SPATA13: variants seen among roughly 807,000 people sequenced by gnomAD.
SPATA13 encodes the protein spermatogenesis associated 13.
Under a neutral mutation model 104.0 loss-of-function variants are expected in SPATA13, and 50 were observed. The observed-to-expected ratio is 0.48, with a 90% CI of 0.38 to 0.61. SPATA13 has a LOEUF of 0.61. Among genes scored for constraint, SPATA13 ranks in the 20% least tolerant of loss-of-function variants. The pLI is 0.00. For synonymous variants in SPATA13, 606 were observed against 667.5 expected (o/e 0.91, Z 1.42); for missense variants, 1,524 against 1,690.6 (o/e 0.90, Z 1.73).
chr13:24,006,289 A>G (rs762700161), intron 2 of SPATA13, among the ~76,000 whole-genome samples: 9 of 152,196 alleles, frequency 5.9e-5, no homozygotes, highest in Non-Finnish European at 1.2e-4. Flanking sequence ...TGTTCATGAG[A>G]TCAACTAACT....
At chr13:24,163,524 T>A (rs1394357679) in intron 1 of SPATA13, among the ~76,000 whole-genome samples, 1 of 152,248 alleles carries the variant, frequency 6.6e-6, no homozygotes, top group Non-Finnish European at 1.5e-5. Context: ...TGTGTGACTG[T>A]ATGAGTCTTA....
At chr13:24,179,368 G>C (rs1868646450) in intron 1 of SPATA13, among the ~76,000 whole-genome samples, 1 of 152,158 alleles carries the variant, frequency 6.6e-6, no homozygotes, top group Non-Finnish European at 1.5e-5. Flanking sequence ...TTCTCAAGCA[G>C]GCATGCACCA....
intron 2 of SPATA13, among the ~76,000 whole-genome samples, chr13:24,002,445 G>A (rs1330259370): frequency 6.6e-6 from 1 of 152,186 alleles, no homozygotes; most frequent in Non-Finnish European, 1.5e-5. Flanking sequence ...AGGGGACAGA[G>A]TGACACACTC....
At chr13:24,125,743 G>T (rs1446545507) in intron 3 of SPATA13, among the ~76,000 whole-genome samples, 1 of 152,162 alleles carries the variant, frequency 6.6e-6, no homozygotes, top group African/African-American at 2.4e-5. Context: ...GAGGAGGGCA[G>T]CCCAAGGAAA....
chr13:24,207,118 T>C (rs9553220), intron 1 of SPATA13, among the ~76,000 whole-genome samples: 99,123 of 151,244 alleles, frequency 0.66, 32,781 homozygotes, highest in South Asian at 0.83. Flanking sequence ...AAAGCAGGAA[T>C]AGAAAACCAA....
intron 11 of SPATA13, among the ~76,000 whole-genome samples, chr13:24,299,793 A>G (rs1877055101): frequency 1.3e-5 from 2 of 152,136 alleles, no homozygotes; most frequent in Non-Finnish European, 2.9e-5. Context: ...CTCCTTCCCC[A>G]CACCCTGCGA....
At chr13:24,231,478 A>G (rs1237887960) in intron 2 of SPATA13, among the ~76,000 whole-genome samples, 1 of 152,184 alleles carries the variant, frequency 6.6e-6, no homozygotes, top group Non-Finnish European at 1.5e-5. Flanking sequence ...ATGGCTATCT[A>G]TACCGCACTT....
In SPATA13 at chr13:23,984,261, C is replaced by T. The variant is rs1384214603; in HGVS notation, c.-147+328C>T. On this transcript the variant is annotated intron_variant, in intron 2 of 14. Coordinates refer to the SPATA13 transcript ENST00000424834. Reference sequence around the variant, plus strand: ...TCAAGTCAGCTAAAGAAGAAGGTTCCAGAGTCTTCTGCCACAGAAGTTTCG... The same window carrying T: ...TCAAGTCAGCTAAAGAAGAAGGTTCTAGAGTCTTCTGCCACAGAAGTTTCG... 2.0e-5 allele frequency among the ~76,000 whole-genome samples: 3 copies of T among 152,226 alleles called. No homozygotes were observed. The East Asian group carries it at 5.8e-4, about 29-fold the overall frequency.
rs754864536 is a variant in SPATA13 at position 24,306,491 on chromosome 13, C to G, written c.*3718C>G. The G allele has an allele frequency of 1.5e-4, 23 of 152,300 alleles. No individual in the cohort carries two copies. Among genetic ancestry groups the G allele is most frequent in the Admixed American group, 7.2e-4 (11 of 15,306 alleles). The allele number at this position is 152,300 out of a possible 1,614,324, so 9.4% of individuals were successfully genotyped here. A position where few individuals can be genotyped will look rare whatever the true frequency, so the allele number is the denominator to read the frequency against. On this transcript the variant is annotated 3_prime_UTR_variant, in exon 13 of 13. Transcript: ENST00000382108. ...GCCAGAAATGGAGGACCCAAGTCAA[C>G]TAGGTGAAACTACTAGCAGACCCAG...
intron 9 of SPATA13, among the ~76,000 whole-genome samples, chr13:24,292,617 G>A (rs1420104054): frequency 2.0e-5 from 3 of 152,154 alleles, no homozygotes; most frequent in African/African-American, 2.4e-5. Flanking sequence ...GGTTTCAGCA[G>A]CTAAATATCT....
chr13:24,099,579 G>A (rs1437174502), intron 3 of SPATA13, among the ~76,000 whole-genome samples: 1 of 152,200 alleles, frequency 6.6e-6, no homozygotes, highest in Non-Finnish European at 1.5e-5. Context: ...TCACAGCGTG[G>A]GAAACAGACA....
intron 5 of SPATA13, among the ~76,000 whole-genome samples, chr13:24,285,670 C>T (rs1405831345): frequency 6.7e-6 from 1 of 149,844 alleles, no homozygotes; most frequent in African/African-American, 2.5e-5. Flanking sequence ...ACATGTGCCA[C>T]CACATCTGGC....
At chr13:24,240,852 A>G (rs1170607104) in intron 2 of SPATA13, among the ~76,000 whole-genome samples, 1 of 152,220 alleles carries the variant, frequency 6.6e-6, no homozygotes, top group Non-Finnish European at 1.5e-5. Flanking sequence ...AATTGTATCT[A>G]ATATCACCAC....
At chr13:24,005,481 A>C (rs972717196) in intron 2 of SPATA13, among the ~76,000 whole-genome samples, 11 of 152,150 alleles carry the variant, frequency 7.2e-5, no homozygotes, top group Admixed American at 5.2e-4. Flanking sequence ...GAGTGTATGC[A>C]GGGAGAAAAT....
rs1876672917 is a variant in SPATA13, at chr13:24,015,662, C to T, written c.-146-2005C>T. Among the ~76,000 whole-genome samples, 3 of 152,190 alleles carry T rather than the reference C, an allele frequency of 2.0e-5. No individual in the cohort carries two copies. The South Asian group carries it at 6.2e-4, about 32-fold the overall frequency. On this transcript the variant is annotated intron_variant, in intron 2 of 14. Coordinates refer to the SPATA13 transcript ENST00000424834. ...GTTCATCCCAGAAGGTTTTTCCCTG[C>T]CATCCCCTAGAAGGTCAGACCAGCC...
intron 3 of SPATA13, among the ~76,000 whole-genome samples, chr13:24,033,072 A>C (rs763363077): frequency 1.3e-5 from 2 of 152,212 alleles, no homozygotes; most frequent in Non-Finnish European, 1.5e-5. Context: ...TTTTTTAAAA[A>C]GATCTGTCTC....
intron 1 of SPATA13, among the ~76,000 whole-genome samples, chr13:24,162,946 G>A (rs778827904): frequency 6.6e-6 from 1 of 152,226 alleles, no homozygotes; most frequent in Non-Finnish European, 1.5e-5. Context: ...TACACCAGTG[G>A]AGGACATGAA....
At chr13:24,084,206 A>C (rs575307809) in intron 3 of SPATA13, among the ~76,000 whole-genome samples, 2 of 152,278 alleles carry the variant, frequency 1.3e-5, no homozygotes, top group East Asian at 3.9e-4. Context: ...TGAACAATTT[A>C]AATGCGTTGG....
intron 3 of SPATA13, among the ~76,000 whole-genome samples, chr13:24,072,825 C>T (rs977689891): frequency 8.3e-6 from 1 of 120,672 alleles, no homozygotes; most frequent in South Asian, 2.8e-4. Context: ...CTGTTGGCTC[C>T]TTTTTTTTTT....
Sources: gnomAD v4.1 joint callset for allele counts (sites outside exome capture counted in the v4.1 genomes callset) on GRCh38, gnomAD v4.1.1 for gene constraint, MANE v1.5 for transcripts, NCBI Gene and HGNC (gene_info 2026-07-23, HGNC 2026-07-21) for gene names.